BIRC6: variants seen among roughly 807,000 people sequenced by gnomAD.
The protein encoded by BIRC6 is baculoviral IAP repeat containing 6, also known as dual E2 ubiquitin-conjugating enzyme/E3 ubiquitin-protein ligase BIRC6.
A neutral mutation model predicts 503.3 loss-of-function variants in BIRC6; 98 were observed. The ratio of observed to expected loss-of-function variants is 0.19; its 90% confidence interval spans 0.17 to 0.23. BIRC6 has a LOEUF of 0.23. Ranked by LOEUF, BIRC6 falls within the 10% of genes least tolerant of loss-of-function variation. The pLI is 1.00. For missense variants in BIRC6, 5,360 were observed against 5,806.0 expected, an observed-to-expected ratio of 0.92 and a Z score of 2.50; for synonymous variants, 2,240 against 2,078.7, an observed-to-expected ratio of 1.08 and a Z score of -2.11.
At chr2:32,447,187 A>T (rs1262099333) in intron 21 of BIRC6, among the ~76,000 whole-genome samples, 2 of 149,560 alleles carry the variant, frequency 1.3e-5, no homozygotes, top group South Asian at 4.3e-4. Flanking sequence ...CCGATTTCTC[A>T]ATTTTTTCCC....
chr2:32,568,868 C>G (rs1245269394), intron 65 of BIRC6, among the ~76,000 whole-genome samples: 3 of 151,210 alleles, frequency 2.0e-5, no homozygotes, highest in Non-Finnish European at 4.4e-5. Flanking sequence ...GCACACATTT[C>G]TTGCACATAG....
chr2:32,554,354 A>G (rs1174418252), intron 65 of BIRC6, among the ~76,000 whole-genome samples: 1 of 152,220 alleles, frequency 6.6e-6, no homozygotes, highest in East Asian at 1.9e-4. Flanking sequence ...CACAGATTAG[A>G]AAAGAACAAA....
chr2:32,558,374 C>T (rs2058931114), intron 65 of BIRC6, among the ~76,000 whole-genome samples: 1 of 152,108 alleles, frequency 6.6e-6, no homozygotes, highest in Non-Finnish European at 1.5e-5. Flanking sequence ...AACATCAACT[C>T]CTTTTTAAAG....
Position 32,477,473 on chromosome 2 carries a change from C to G in BIRC6, c.6958C>G (p.Pro2320Ala), listed in dbSNP as rs752636289. 116 of 1,613,848 alleles carry G rather than the reference C, an allele frequency of 7.2e-5. No homozygotes were observed. Among genetic ancestry groups the G allele is most frequent in the Admixed American group, 2.3e-4 (14 of 59,998 alleles). Residue 2320 changes from proline to alanine, a missense_variant, in exon 35 of 74, where the codon CCA (proline) becomes GCA (alanine). This residue lies in a region of BIRC6 where 2,299 missense variants were observed against 2,267.2 expected (regional missense o/e 1.01). Coordinates refer to ENST00000421745, the MANE Select transcript of BIRC6 (RefSeq NM_016252.4). ...AKESPEIEPLPFTLAHERCIS... is the reference protein window; with the variant it reads ...AKESPEIEPLAFTLAHERCIS... ...AGAAAGTCCTGAGATAGAACCACTT[C>G]CATTTACTCTGGCCCATGAGCGTTG...
At chr2:32,610,898 A>G (rs2151721361) in intron 72 of BIRC6, among the ~76,000 whole-genome samples, 1 of 150,734 alleles carries the variant, frequency 6.6e-6, no homozygotes, top group Admixed American at 6.6e-5. Flanking sequence ...CCTCCCAAGT[A>G]GCTGGCACTA....
At chr2:32,467,415 G>C (rs533453137) in intron 26 of BIRC6, 110 bp from the exon 27 acceptor site, 1 of 844,664 alleles carries the variant, frequency 1.2e-6, no homozygotes, top group African/African-American at 1.7e-5. Context: ...CTTATTTATA[G>C]TTTAGTGAGT....
intron 57 of BIRC6, 199 bp from the exon 58 acceptor site, chr2:32,524,689 A>G (rs2056102400): frequency 7.6e-6 from 2 of 261,824 alleles, no homozygotes; most frequent in African/African-American, 2.2e-5. Flanking sequence ...TGGCTTAAGT[A>G]CAGTGGTGAG....
chr2:32,608,929 G>C (rs928079131), intron 72 of BIRC6, among the ~76,000 whole-genome samples: 1 of 151,880 alleles, frequency 6.6e-6, no homozygotes, highest in East Asian at 1.9e-4. Flanking sequence ...GCCTGTGCTG[G>C]AATACAGTGG....
Position 32,545,839 on chromosome 2 carries a change from C to G in BIRC6, c.12789C>G (p.Asn4263Lys). ...ALSHHSPRVP[N>K]SSVNQTEPQV... Reference sequence around the variant, plus strand: ...GCCACCATTCCCCACGAGTTCCAAACTCTAGCGTGAATCAAACTGAGGTAG... The same window carrying G: ...GCCACCATTCCCCACGAGTTCCAAAGTCTAGCGTGAATCAAACTGAGGTAG... Residue 4263 changes from asparagine (N) to lysine (K), a missense_variant, in exon 63 of 74, where the codon AAC becomes AAG. By Grantham distance (94) the Asn-to-Lys change is moderately conservative. Coordinates refer to ENST00000421745, the MANE Select transcript of BIRC6 (RefSeq NM_016252.4). The G allele has an allele frequency of 6.2e-7, 1 of 1,613,572 alleles. No individual in the cohort carries two copies. The highest frequency in any genetic ancestry group is 8.5e-7 in the Non-Finnish European group (1 of 1,179,592).
intron 21 of BIRC6, among the ~76,000 whole-genome samples, chr2:32,447,230 C>T (rs1209904865): frequency 6.7e-6 from 1 of 148,386 alleles, no homozygotes; most frequent in African/African-American, 2.5e-5. Context: ...CACAAAACCG[C>T]CATTGTCATC....
chr2:32,575,433 G>A, intron 66 of BIRC6, 67 bp downstream of exon 66: 1 of 1,470,480 alleles, frequency 6.8e-7, no homozygotes, highest in African/African-American at 1.4e-5. Flanking sequence ...AACTCCATGG[G>A]TGTTTTTGTT....
chr2:32,575,275 G>A lies in BIRC6; in HGVS notation c.13264G>A (p.Glu4422Lys). 6.2e-7 allele frequency: 1 copy of A among 1,613,994 alleles called. No homozygotes were observed. Among genetic ancestry groups the A allele is most frequent in the Non-Finnish European group, 8.5e-7 (1 of 1,179,876 alleles). The change falls in exon 66 of 74, where the codon GAG becomes AAG. Residue 4422 changes from glutamate to lysine, a missense_variant. By Grantham distance (56) the Glu-to-Lys change is moderately conservative. Coordinates refer to ENST00000421745, the MANE Select transcript of BIRC6 (RefSeq NM_016252.4). ...LLPLSTENGE[E>K]EEEQSECQTS... Reference sequence around the variant, plus strand: ...GCCCCTTTCTACAGAGAACGGTGAAGAGGAAGAAGAACAGTCAGAATGTCA... The same window carrying A: ...GCCCCTTTCTACAGAGAACGGTGAAAAGGAAGAAGAACAGTCAGAATGTCA...
Position 32,515,376 on chromosome 2 carries a change from G to C in BIRC6, c.10955G>C (p.Ser3652Thr). 6.8e-6 allele frequency: 11 copies of C among 1,613,578 alleles called. No homozygotes were observed. The highest frequency in any genetic ancestry group is 9.3e-6 in the Non-Finnish European group (11 of 1,179,882). Residue 3652 changes from serine to threonine, a missense_variant, in exon 55 of 74, where the codon AGC becomes ACC. Ser to Thr is a moderately conservative substitution (Grantham distance 58). Transcript: ENST00000421745. Reference sequence around the variant, plus strand: ...TTTAGCCACATTTCTAGCTCAGAAAGCATTGCCCAGTCAATAGATATTTCC... The same window carrying C: ...TTTAGCCACATTTCTAGCTCAGAAACCATTGCCCAGTCAATAGATATTTCC... The part of the protein sequence containing the change: ...FCFSHISSSE[S>T]IAQSIDISQD...
intron 36 of BIRC6, among the ~76,000 whole-genome samples, chr2:32,479,215 TGTACA>T (rs1314783274): frequency 6.6e-6 from 1 of 152,204 alleles, no homozygotes; most frequent in Non-Finnish European, 1.5e-5. Context: ...TGTTAATGTA[TGTACA>T]GTAATTAAAA....
rs1018385272 is a variant in BIRC6 at position 32,594,037 on chromosome 2, C to A, written c.13478C>A (p.Thr4493Asn). The A allele has an allele frequency of 1.2e-6, 2 of 1,611,748 alleles. No individual in the cohort carries two copies. The highest frequency in any genetic ancestry group is 1.3e-5 in the African/African-American group (1 of 74,978). The stretch of plus-strand genomic sequence containing the variant: ...GCTGAGATAGTTTATGCAGCCACCA[C>A]CAGTTTGCGGCAAGCAAATCAGGGT... ...KTAEIVYAAT[T>N]SLRQANQEKK... The change falls in exon 67 of 74, where the codon ACC (threonine) becomes AAC (asparagine). Residue 4493 changes from threonine (T) to asparagine (N), a missense_variant. Physicochemically the swap from Thr to Asn is moderately conservative, Grantham distance 65 (BLOSUM62 0). Transcript: ENST00000421745.
chr2:32,427,573 A>G (rs575490272), intron 10 of BIRC6, among the ~76,000 whole-genome samples: 2 of 152,314 alleles, frequency 1.3e-5, no homozygotes, highest in African/African-American at 4.8e-5. Context: ...GGCGTGAGCC[A>G]CTGCTCCTGG....
intron 23 of BIRC6, among the ~76,000 whole-genome samples, chr2:32,457,034 G>T (rs2047337381): frequency 6.6e-6 from 1 of 152,128 alleles, no homozygotes; most frequent in Non-Finnish European, 1.5e-5. Context: ...TGGGATTGCA[G>T]GCACACACCA....
intron 4 of BIRC6, among the ~76,000 whole-genome samples, chr2:32,390,993 T>C (rs1474424567): frequency 6.6e-6 from 1 of 152,238 alleles, no homozygotes; most frequent in Non-Finnish European, 1.5e-5. Flanking sequence ...GCTATGGCTG[T>C]CATTAAAATA....
chr2:32,594,213 T>C, intron 67 of BIRC6, 153 bp downstream of exon 67: 1 of 753,996 alleles, frequency 1.3e-6, no homozygotes, highest in Non-Finnish European at 2.1e-6. Context: ...ATTTTGTTCT[T>C]TATCTGATTT....
Sources: gnomAD v4.1 joint callset for allele counts (sites outside exome capture counted in the v4.1 genomes callset) on GRCh38, gnomAD v4.1.1 for gene constraint, gnomAD v4.1.1 regional missense constraint, MANE v1.5 for transcripts, NCBI Gene and HGNC (gene_info 2026-07-23, HGNC 2026-07-21) for gene names.